SIK3: variants seen among roughly 807,000 people sequenced by gnomAD.
The protein encoded by SIK3 is serine/threonine-protein kinase SIK3.
In SIK3, 28 loss-of-function variants were observed where a neutral mutation model predicts 144.2. The observed-to-expected ratio is 0.19, with a 90% CI of 0.14 to 0.27. The LOEUF is 0.27. SIK3 is among the 10% of genes least tolerant of loss of function. The probability of loss-of-function intolerance (pLI) is 1.00; values close to 1 mark genes in which losing one functional copy is unlikely to be tolerated. For missense variants in SIK3, 1,319 were observed against 1,776.0 expected, an observed-to-expected ratio of 0.74 and a Z score of 4.62; for synonymous variants, 686 against 676.3, an observed-to-expected ratio of 1.01 and a Z score of -0.22.
At chr11:116,912,335 G>GGATAT (rs774105481) in intron 4 of SIK3, among the ~76,000 whole-genome samples, 15 of 152,172 alleles carry the variant, frequency 9.9e-5, no homozygotes, top group Non-Finnish European at 1.5e-4. Flanking sequence ...ATCATCAACT[G>GGATAT]GATATGTCTA....
At chr11:117,033,946 T>C (rs1193989891) in intron 1 of SIK3, among the ~76,000 whole-genome samples, 1 of 152,142 alleles carries the variant, frequency 6.6e-6, no homozygotes, top group Non-Finnish European at 1.5e-5. Context: ...TAATAGCCAT[T>C]TGTCACTGGA....
chr11:116,903,626 GA>G (rs1337917811), intron 4 of SIK3, among the ~76,000 whole-genome samples: 2 of 152,222 alleles, frequency 1.3e-5, no homozygotes, highest in African/African-American at 4.8e-5. Flanking sequence ...CTGTTTCCCA[GA>G]TGGGAGTGCA....
At chr11:116,886,273 T>C (rs1420217384) in intron 6 of SIK3, among the ~76,000 whole-genome samples, 1 of 152,238 alleles carries the variant, frequency 6.6e-6, no homozygotes, top group Non-Finnish European at 1.5e-5. Flanking sequence ...GTGCAGTGTG[T>C]CTCAAAAGGT....
At chr11:116,861,956 T>A (rs771157819) in intron 17 of SIK3, 30 bp from the exon 18 acceptor site, 4 of 1,502,366 alleles carry the variant, frequency 2.7e-6, no homozygotes, top group Middle Eastern at 3.5e-4. Flanking sequence ...AGGAAAAAAA[T>A]TATTGTGAGC....
chr11:117,074,385 T>C (rs1057466255), intron 1 of SIK3, among the ~76,000 whole-genome samples: 8 of 152,218 alleles, frequency 5.3e-5, no homozygotes, highest in African/African-American at 1.7e-4. Context: ...AGTAGACAGA[T>C]ACTCAAATAG....
chr11:117,061,133 G>T (rs1953772612), intron 1 of SIK3, among the ~76,000 whole-genome samples: 1 of 152,152 alleles, frequency 6.6e-6, no homozygotes, highest in Non-Finnish European at 1.5e-5. Flanking sequence ...GGTAGTCCCA[G>T]CTACTCAGGA....
At chr11:117,013,404 G>A (rs1252648520) in intron 1 of SIK3, among the ~76,000 whole-genome samples, 1 of 152,150 alleles carries the variant, frequency 6.6e-6, no homozygotes, top group East Asian at 1.9e-4. Flanking sequence ...CTTGAACCCA[G>A]GAGGCAGGGG....
At chr11:116,884,542 G>A (rs1196004448) in intron 6 of SIK3, among the ~76,000 whole-genome samples, 1 of 151,558 alleles carries the variant, frequency 6.6e-6, no homozygotes, top group Non-Finnish European at 1.5e-5. Context: ...TGTATTTTTA[G>A]TAGAGGTGGG....
intron 1 of SIK3, among the ~76,000 whole-genome samples, chr11:116,992,926 A>T (rs1005400318): frequency 6.6e-6 from 1 of 152,236 alleles, no homozygotes; most frequent in Non-Finnish European, 1.5e-5. Context: ...TAGAGGCTGC[A>T]GTGAGCCGTG....
At chr11:116,903,149 C>T (rs1263939102) in intron 4 of SIK3, among the ~76,000 whole-genome samples, 5 of 152,192 alleles carry the variant, frequency 3.3e-5, no homozygotes, top group African/African-American at 1.2e-4. Context: ...ATCTGGAAGT[C>T]ATTTTGAAAA....
intron 4 of SIK3, among the ~76,000 whole-genome samples, chr11:116,911,214 T>TA (rs1946326268): frequency 6.6e-6 from 1 of 152,112 alleles, no homozygotes; most frequent in Admixed American, 6.5e-5. Flanking sequence ...GTGCACTCAT[T>TA]AAAAATGATG....
At chr11:116,933,815 G>A (rs536062050) in intron 3 of SIK3, among the ~76,000 whole-genome samples, 1 of 152,038 alleles carries the variant, frequency 6.6e-6, no homozygotes, top group African/African-American at 2.4e-5. Flanking sequence ...ATTTTTTTCT[G>A]TCAAAACCTC....
chr11:116,883,661 T>C (rs546047420), intron 6 of SIK3, among the ~76,000 whole-genome samples: 2 of 152,148 alleles, frequency 1.3e-5, no homozygotes, highest in Non-Finnish European at 2.9e-5. Flanking sequence ...GGGCCCGGCA[T>C]GGTGGCTCAC....
At chr11:116,957,601 G>A (rs190416365) in intron 1 of SIK3, among the ~76,000 whole-genome samples, 1 of 152,250 alleles carries the variant, frequency 6.6e-6, no homozygotes, top group Admixed American at 6.5e-5. Flanking sequence ...AGCAGTAGCA[G>A]CATCTACCAT....
intron 1 of SIK3, among the ~76,000 whole-genome samples, chr11:117,057,325 T>C (rs1012670081): frequency 1.1e-4 from 17 of 152,340 alleles, no homozygotes; most frequent in Admixed American, 5.9e-4. Context: ...CATAAATTAC[T>C]CCTAGAATAT....
At chr11:117,064,845 T>C (rs1953938316) in intron 1 of SIK3, among the ~76,000 whole-genome samples, 1 of 152,230 alleles carries the variant, frequency 6.6e-6, no homozygotes, top group South Asian at 2.1e-4. Flanking sequence ...ACTCAGGAAT[T>C]GATCCCATAG....
intron 1 of SIK3, chr11:117,035,650 GCTCAAGCGATCCTCCCACCTTAGC>G (rs1952461545): frequency 7.9e-6 from 5 of 631,704 alleles, no homozygotes; most frequent in Non-Finnish European, 1.1e-5. Flanking sequence ...GAGCTCCTAG[GCTCAAGCGATCCTCCCACCTTAGC>G]CTCCAGAGTA....
At chr11:117,067,941 G>A (rs1016316781) in intron 1 of SIK3, among the ~76,000 whole-genome samples, 12 of 151,974 alleles carry the variant, frequency 7.9e-5, no homozygotes, top group Admixed American at 2.6e-4. Flanking sequence ...CCGAGATCGC[G>A]CCACTGCACT....
rs759711384 is a variant in SIK3 at position 116,849,141 on chromosome 11, G to T, written c.3798C>A (p.Ile1266=). The T allele has an allele frequency of 6.2e-7, 1 of 1,608,242 alleles. No homozygotes were observed. The highest frequency in any genetic ancestry group is 1.1e-5 in the South Asian group (1 of 90,620). ...ATACATAAGCATCGTCGCTGTTCTG[G>T]ATCGTGTGGTGTCTCTGGAGGGCCC... ...RPRALQRHHT[I]QNSDDAYVQL... Residue 1266 remains isoleucine, a synonymous_variant, in exon 22 of 25, where the codon ATC becomes ATA. Coordinates refer to ENST00000445177, the MANE Select transcript of SIK3 (RefSeq NM_001366686.3). This position sits in a 1 kb window ranked among gnomAD's most constrained non-coding sequence, Gnocchi z 4.2.
Sources: allele counts gnomAD v4.1 joint callset (sites outside exome capture counted in the v4.1 genomes callset), GRCh38; gene constraint gnomAD v4.1.1; non-coding constraint Gnocchi (gnomAD v3.1); transcripts MANE v1.5; gene names NCBI Gene and HGNC (gene_info 2026-07-23, HGNC 2026-07-21).